Variants in ZNF618 observed in about 807,000 individuals in gnomAD.
The protein encoded by ZNF618 is zinc finger protein 618.
In ZNF618, 34 loss-of-function variants were observed where a neutral mutation model predicts 103.0. The observed-to-expected ratio is 0.33, with a 90% CI of 0.25 to 0.44. The LOEUF (loss-of-function observed/expected upper bound fraction) is 0.44, where lower values mean the gene tolerates loss of function less well. ZNF618 is among the 20% of genes least tolerant of loss of function. The pLI, the probability that ZNF618 is intolerant of heterozygous loss-of-function variation, is 1.00. For missense variants in ZNF618, 1,059 were observed against 1,295.4 expected (o/e 0.82, Z 2.80); for synonymous variants, 551 against 542.2 (o/e 1.02, Z -0.23).
chr9:113,944,841 G>A (rs551796178), intron 1 of ZNF618, among the ~76,000 whole-genome samples: 8 of 152,088 alleles, frequency 5.3e-5, no homozygotes, highest in East Asian at 3.9e-4. Flanking sequence ...TGTTTTCCTC[G>A]TGACAGCCCA....
Position 114,050,122 on chromosome 9 carries a change from A to G in ZNF618, c.2820A>G (p.Pro940=). 3.8e-6 allele frequency: 6 copies of G among 1,591,388 alleles called. No individual in the cohort carries two copies. The highest frequency in any genetic ancestry group is 5.1e-6 in the Non-Finnish European group (6 of 1,168,272). Residue 940 remains proline (P), a synonymous_variant, in exon 15 of 15, where the codon CCA becomes CCG. Coordinates refer to ENST00000374126, the MANE Select transcript of ZNF618 (RefSeq NM_001318042.2). ...TCAAACGGAGGCGGCTGCTCAGTCC[A>G]GAAGATATGAATAAACTCATGTTTC... is the stretch of plus-strand genomic sequence containing the variant. ...LLIKRRRLLS[P]EDMNKLMFLK... is the part of the protein sequence containing the mutation.
intron 2 of ZNF618, among the ~76,000 whole-genome samples, chr9:113,981,385 C>A (rs899514171): frequency 6.6e-6 from 1 of 152,118 alleles, no homozygotes; most frequent in Non-Finnish European, 1.5e-5. Flanking sequence ...AAAGTTCTGG[C>A]CTGTGTAAGG....
chr9:114,002,740 C>T (rs1033337333), intron 6 of ZNF618, 78 bp downstream of exon 6: 2 of 1,509,404 alleles, frequency 1.3e-6, no homozygotes, highest in African/African-American at 1.4e-5. Context: ...CTTGTCCCCT[C>T]CCCCAGAACT....
chr9:113,908,003 G>C (rs1831141440), intron 1 of ZNF618, among the ~76,000 whole-genome samples: 1 of 152,154 alleles, frequency 6.6e-6, no homozygotes, highest in South Asian at 2.1e-4. Context: ...TGGGTCTCAA[G>C]ACTTAAATTG....
In ZNF618 at chr9:114,051,202, A is replaced by T. The variant is rs1846111993; in HGVS notation, c.*1035A>T. The T allele has an allele frequency of 6.6e-6, 1 of 152,494 alleles. No individual in the cohort carries two copies. Among genetic ancestry groups the T allele is most frequent in the African/African-American group, 2.4e-5 (1 of 41,360 alleles). The allele number at this position is 152,494 out of a possible 1,614,324, so 9.4% of individuals were successfully genotyped here. On this transcript the variant is annotated 3_prime_UTR_variant, in exon 15 of 15. Coordinates refer to ENST00000374126, the MANE Select transcript of ZNF618 (RefSeq NM_001318042.2). Reference sequence around the variant, plus strand: ...TTTTACTTGCCCCTTTTGTTCCTCAAGTCACACTGTAAACTAGCTCATCTC... The same window carrying T: ...TTTTACTTGCCCCTTTTGTTCCTCATGTCACACTGTAAACTAGCTCATCTC...
intron 1 of ZNF618, among the ~76,000 whole-genome samples, chr9:113,927,671 A>G (rs367735877): frequency 8.5e-5 from 13 of 152,110 alleles, no homozygotes; most frequent in African/African-American, 2.2e-4. Context: ...GGAGAAGGAC[A>G]TTTCCCTTCC....
In ZNF618 at chr9:114,051,415, A is replaced by G. The variant is rs959868722; in HGVS notation, c.*1248A>G. ...GGAAGCAGTGGTTTGGGAGTTCTGA[A>G]TGTAAGCGCCAGAGCTGCCCTCCTG... On this transcript the variant is annotated 3_prime_UTR_variant, in exon 15 of 15. Coordinates refer to ENST00000374126, the MANE Select transcript of ZNF618 (RefSeq NM_001318042.2). The G allele has an allele frequency of 6.6e-6, 1 of 152,618 alleles. No homozygotes were observed. The highest frequency in any genetic ancestry group is 2.4e-5 in the African/African-American group (1 of 41,418). 9.5% of individuals were successfully genotyped at this position (152,618 alleles called of 1,614,324 possible).
chr9:114,016,747 T>C lies in ZNF618; in HGVS notation c.807T>C (p.Thr269=). 1 of 1,613,518 alleles carries C rather than the reference T, an allele frequency of 6.2e-7. No homozygotes were observed. The highest frequency in any genetic ancestry group is 8.5e-7 in the Non-Finnish European group (1 of 1,179,750). ...EFCGKQYKYY[T]PYQEHVALHA... The stretch of plus-strand genomic sequence containing the variant: ...GCGGCAAACAGTACAAGTACTACAC[T>C]CCCTACCAGGAGCATGTGGCCTTAC... The change falls in exon 10 of 15, where the codon ACT becomes ACC. Residue 269 remains threonine (T), a synonymous_variant. Transcript: ENST00000374126.
chr9:114,027,766 G>T (rs1226594345), intron 10 of ZNF618, among the ~76,000 whole-genome samples: 2 of 152,190 alleles, frequency 1.3e-5, no homozygotes, highest in Admixed American at 6.5e-5. Context: ...CGCTAGGCAG[G>T]TCAGGGCTGT....
At chr9:113,972,331 G>A (rs1175082010) in intron 2 of ZNF618, among the ~76,000 whole-genome samples, 1 of 152,188 alleles carries the variant, frequency 6.6e-6, no homozygotes, top group African/African-American at 2.4e-5. Context: ...TTACAGATAG[G>A]AGCCACCATG....
At chr9:113,971,344 C>T (rs1342399009) in intron 2 of ZNF618, among the ~76,000 whole-genome samples, 1 of 152,084 alleles carries the variant, frequency 6.6e-6, no homozygotes, top group African/African-American at 2.4e-5. Flanking sequence ...GGGCCTTGAA[C>T]CTGCCAAAGC....
intron 12 of ZNF618, among the ~76,000 whole-genome samples, chr9:114,033,261 C>T (rs1376922541): frequency 6.6e-6 from 1 of 152,140 alleles, no homozygotes; most frequent in African/African-American, 2.4e-5. Context: ...AATACAGTAG[C>T]TGTAGTCCCA....
chr9:113,934,878 T>C (rs190414984), intron 1 of ZNF618, among the ~76,000 whole-genome samples: 76 of 152,332 alleles, frequency 5.0e-4, no homozygotes, highest in Middle Eastern at 3.4e-3. Context: ...AGTATCCTAT[T>C]TGTACAGCCT....
At chr9:113,876,644 G>A (rs1325671523) in intron 1 of ZNF618, among the ~76,000 whole-genome samples, 1 of 151,860 alleles carries the variant, frequency 6.6e-6, no homozygotes, top group Admixed American at 6.5e-5. Flanking sequence ...CCCCCACCCA[G>A]CGCCCCCTCC....
At chr9:114,042,522 ATAAAAT>A (rs996398719) in intron 13 of ZNF618, among the ~76,000 whole-genome samples, 5 of 152,162 alleles carry the variant, frequency 3.3e-5, no homozygotes, top group African/African-American at 7.2e-5. Flanking sequence ...GTCTAAAAAA[ATAAAAT>A]TAAAATTAAA....
At chr9:114,029,669 G>GAACAAAGCAGGATAAGCCGGATGGT (rs1843830839) in intron 11 of ZNF618, among the ~76,000 whole-genome samples, 1 of 152,116 alleles carries the variant, frequency 6.6e-6, no homozygotes, top group Non-Finnish European at 1.5e-5. Context: ...GATCTGCTCT[G>GAACAAAGCAGGATAAGCCGGATGGT]AACAAAGCAG....
chr9:113,981,707 T>C (rs548766841), intron 2 of ZNF618, among the ~76,000 whole-genome samples: 95 of 152,344 alleles, frequency 6.2e-4, no homozygotes, highest in Admixed American at 2.1e-3. Flanking sequence ...CTTGGTTGCA[T>C]TGTCTTAGGC....
intron 13 of ZNF618, among the ~76,000 whole-genome samples, chr9:114,038,083 C>T (rs912203640): frequency 1.3e-5 from 2 of 152,198 alleles, no homozygotes; most frequent in South Asian, 2.1e-4. Flanking sequence ...GTTTAGACCC[C>T]ATGGGGAAGC....
intron 10 of ZNF618, among the ~76,000 whole-genome samples, chr9:114,023,262 A>C (rs1462631827): frequency 6.6e-6 from 1 of 151,990 alleles, no homozygotes; most frequent in South Asian, 2.1e-4. Flanking sequence ...AATGCCTCTT[A>C]GCTTTCTAGC....
Sources: allele counts gnomAD v4.1 joint callset (sites outside exome capture counted in the v4.1 genomes callset), GRCh38; gene constraint gnomAD v4.1.1; transcripts MANE v1.5; gene names NCBI Gene and HGNC (gene_info 2026-07-23, HGNC 2026-07-21).